The following SQSTM1 variants were observed in gnomAD, a reference collection of about 807,000 sequenced individuals.
The protein encoded by SQSTM1 is sequestosome 1, also known as sequestosome-1.
Under a neutral mutation model 45.1 loss-of-function variants are expected in SQSTM1, and 36 were observed. That is an observed-to-expected ratio of 0.80 (90% CI 0.61 to 1.05). The LOEUF (loss-of-function observed/expected upper bound fraction) is 1.05, where lower values mean the gene tolerates loss of function less well. SQSTM1 is among the 50% of genes least tolerant of loss of function. SQSTM1 has a pLI of 0.00. For missense variants in SQSTM1, 617 were observed against 607.1 expected (o/e 1.02, Z -0.17); for synonymous variants, 290 against 244.3 (o/e 1.19, Z -1.74).
At position 179,836,551 on chromosome 5, in the gene SQSTM1, T is replaced by G. The variant is rs1561609813; in HGVS notation, c.1281T>G (p.Ala427=). ...LQTKNYDIGA[A]LDTIQYSKHP... ...CCAAGAACTATGACATCGGAGCGGC[T>G]CTGGACACCATCCAGTATTCAAAGC... The change falls in exon 8 of 8, where the codon GCT becomes GCG. Residue 427 remains alanine (A), a synonymous_variant. Transcript: ENST00000389805. 1 of 1,614,152 alleles carries G rather than the reference T, an allele frequency of 6.2e-7. No individual in the cohort carries two copies.
intron 5 of SQSTM1, among the ~76,000 whole-genome samples, chr5:179,831,645 C>T (rs934708748): frequency 6.6e-6 from 1 of 152,038 alleles, no homozygotes; most frequent in East Asian, 1.9e-4. Flanking sequence ...GCCTGGGCAA[C>T]AGAGCGAGAC....
At chr5:179,812,022 T>G (rs529461990) in intron 2 of SQSTM1, 3 of 152,164 alleles carry the variant, frequency 2.0e-5, no homozygotes, top group South Asian at 4.1e-4. Flanking sequence ...GCCAGGATGG[T>G]CTCGATCTCC....
chr5:179,833,843 CCT>C (rs1331266371), intron 7 of SQSTM1, 61 bp downstream of exon 7: 5 of 1,562,544 alleles, frequency 3.2e-6, no homozygotes, highest in Non-Finnish European at 4.4e-6. Flanking sequence ...ATCCTGCCCT[CCT>C]CTGATTTCAG....
rs1758352876 is a variant in SQSTM1 at position 179,833,609 on chromosome 5, G to C, written c.992G>C (p.Cys331Ser). Reference sequence around the variant, plus strand: ...CAGGAACAGATGGAGTCGGATAACTGTTCAGGAGGAGATGATGACTGGACC... The same window carrying C: ...CAGGAACAGATGGAGTCGGATAACTCTTCAGGAGGAGATGATGACTGGACC... ...RPEEQMESDNCSGGDDDWTHL... is the reference protein window; with the variant it reads ...RPEEQMESDNSSGGDDDWTHL... The change falls in exon 7 of 8, where the codon TGT becomes TCT. Residue 331 changes from cysteine (C) to serine (S), a missense_variant. Physicochemically the swap from Cys to Ser is moderately radical, Grantham distance 112 (BLOSUM62 -1). Coordinates refer to ENST00000389805, the MANE Select transcript of SQSTM1 (RefSeq NM_003900.5). 4 of 1,614,056 alleles carry C rather than the reference G, an allele frequency of 2.5e-6. No individual in the cohort carries two copies. The highest frequency in any genetic ancestry group is 3.4e-6 in the Non-Finnish European group (4 of 1,180,042).
At chr5:179,817,818 T>C (rs1209866319), upstream of SQSTM1, among the ~76,000 whole-genome samples, 1 of 152,070 alleles carries the variant, frequency 6.6e-6, no homozygotes, top group Non-Finnish European at 1.5e-5. Flanking sequence ...AAGACCATCC[T>C]GGCCAACATA....
chr5:179,837,242 G>T lies in SQSTM1; in HGVS notation c.*649G>T. 1 of 1,601,026 alleles carries T rather than the reference G, an allele frequency of 6.2e-7. No individual in the cohort carries two copies. Among genetic ancestry groups the T allele is most frequent in the South Asian group, 1.1e-5 (1 of 90,804 alleles). On this transcript the variant is annotated 3_prime_UTR_variant, in exon 8 of 8. Transcript: ENST00000389805. Reference sequence around the variant, plus strand: ...TAAACAATCTAATTAAATGGCATCAGCACTTTAACCAATGACGTTTGCATA... The same window carrying T: ...TAAACAATCTAATTAAATGGCATCATCACTTTAACCAATGACGTTTGCATA...
At position 179,822,662 on chromosome 5, in the gene SQSTM1, G is replaced by A. The variant is rs542516972; in HGVS notation, c.206-296G>A. 23 of 416,334 alleles carry A rather than the reference G, an allele frequency of 5.5e-5. No individual in the cohort carries two copies. In the East Asian group the frequency reaches 1.2e-3, roughly 22 times the overall value. The allele number at this position is 416,334 out of a possible 1,614,324, so 25.8% of individuals were successfully genotyped here. Reference sequence around the variant, plus strand: ...GAATGAGGTGGCACGTTTCTGAAAAGGCAGCTGGCCCAAGGCTAAATAAGT... The same window carrying A: ...GAATGAGGTGGCACGTTTCTGAAAAAGCAGCTGGCCCAAGGCTAAATAAGT... On this transcript the variant is annotated intron_variant, in intron 1 of 7. Transcript: ENST00000389805.
At chr5:179,809,238 A>G in intron 1 of SQSTM1, among the ~76,000 whole-genome samples, 1 of 141,554 alleles carries the variant, frequency 7.1e-6, no homozygotes, top group Non-Finnish European at 1.5e-5. Context: ...GGCTCACTGC[A>G]ACCTCAGCCT....
chr5:179,824,230 G>A lies in SQSTM1; in HGVS notation c.580G>A (p.Gly194Arg), dbSNP rs373585056. The A allele has an allele frequency of 8.7e-6, 14 of 1,613,730 alleles. No individual in the cohort carries two copies. The highest frequency in any genetic ancestry group is 5.0e-5 in the Admixed American group (3 of 60,014). The change falls in exon 4 of 8, where the codon GGG becomes AGG. Residue 194 changes from glycine (G) to arginine (R), a missense_variant. Coordinates refer to ENST00000389805, the MANE Select transcript of SQSTM1 (RefSeq NM_003900.5). ...CCGGAAGGTGAAACACGGACACTTC[G>A]GGTGGCCAGGATGGGAAATGGGTCC... is the stretch of plus-strand genomic sequence containing the variant. ...WLRKVKHGHF[G>R]WPGWEMGPPG...
At chr5:179,835,493 G>A (rs11953105) in intron 7 of SQSTM1, 2,556 of 157,938 alleles carry the variant, frequency 0.016, 89 homozygotes, top group African/African-American at 0.059. Context: ...AGACCAGCCC[G>A]GCCAACACAG....
intron 5 of SQSTM1, among the ~76,000 whole-genome samples, chr5:179,832,792 CCT>C (rs1758287171): frequency 6.6e-6 from 1 of 152,064 alleles, no homozygotes; most frequent in Admixed American, 6.6e-5. Context: ...TGGGGAGAAG[CCT>C]CTGACTCATG....
In SQSTM1 at chr5:179,833,239, G is replaced by A. The variant is rs752889531; in HGVS notation, c.962G>A (p.Arg321His). 100 of 1,579,672 alleles carry A rather than the reference G, an allele frequency of 6.3e-5. No homozygotes were observed. The highest frequency in any genetic ancestry group is 9.1e-5 in the Admixed American group (5 of 54,832). Residue 321 changes from arginine to histidine, a missense_variant, in exon 6 of 8, where the codon CGC (arginine) becomes CAC (histidine). Coordinates refer to ENST00000389805, the MANE Select transcript of SQSTM1 (RefSeq NM_003900.5). ...AAGATCGCCTTGGAGTCCGAGGGGCGCCCTGAGGCAAGCCTGTGCCCCTCC... is the reference window on the plus strand; with the variant it reads ...AAGATCGCCTTGGAGTCCGAGGGGCACCCTGAGGCAAGCCTGTGCCCCTCC... ...MRKIALESEG[R>H]PEEQMESDNC...
At chr5:179,816,519 C>T (rs1422644632), upstream of SQSTM1, among the ~76,000 whole-genome samples, 3 of 152,230 alleles carry the variant, frequency 2.0e-5, no homozygotes, top group Non-Finnish European at 1.5e-5. Context: ...AAGGGCAGCC[C>T]CTCCACGGGA....
chr5:179,825,189 C>T lies in SQSTM1; in HGVS notation c.717C>T (p.Asn239=), dbSNP rs747314158. ...SEDPSVNFLK[N]VGESVAAALS... Reference sequence around the variant, plus strand: ...ATCCGAGTGTGAATTTCCTGAAGAACGTTGGGGAGAGTGTGGCAGCTGCCC... The same window carrying T: ...ATCCGAGTGTGAATTTCCTGAAGAATGTTGGGGAGAGTGTGGCAGCTGCCC... Residue 239 remains asparagine (N), a synonymous_variant, in exon 5 of 8, where the codon AAC becomes AAT. Transcript: ENST00000389805. 10 of 1,613,924 alleles carry T rather than the reference C, an allele frequency of 6.2e-6. No individual in the cohort carries two copies. The highest frequency in any genetic ancestry group is 5.0e-5 in the Admixed American group (3 of 60,004).
Position 179,837,467 on chromosome 5 carries a change from A to G in SQSTM1, c.*874A>G, listed in dbSNP as rs751816628. On this transcript the variant is annotated 3_prime_UTR_variant, in exon 8 of 8. Coordinates refer to ENST00000389805, the MANE Select transcript of SQSTM1 (RefSeq NM_003900.5). ...TGTGGGTCGAGGATTCTGTGCCTCC[A>G]GGACCAGGGGCCCACCCTCTGCCCA... The G allele has an allele frequency of 8.7e-6, 14 of 1,613,680 alleles. No individual in the cohort carries two copies. In the South Asian group the frequency reaches 9.9e-5, roughly 11 times the overall value.
chr5:179,828,094 G>A (rs543341863), intron 5 of SQSTM1, among the ~76,000 whole-genome samples: 5 of 152,264 alleles, frequency 3.3e-5, no homozygotes, highest in East Asian at 1.9e-4. Context: ...ACGGAGCATC[G>A]TCTAGTCTTT....
At chr5:179,824,433 C>G (rs1027936309) in intron 4 of SQSTM1, 110 bp downstream of exon 4, 3 of 1,494,382 alleles carry the variant, frequency 2.0e-6, no homozygotes, top group Non-Finnish European at 2.8e-6. Context: ...GGATACCCCC[C>G]ACCTTCCTGG....
rs1758589234 is a variant in SQSTM1 at position 179,836,894 on chromosome 5, GCA to G, written c.*304_*305del. On this transcript the variant is annotated 3_prime_UTR_variant, in exon 8 of 8. Coordinates refer to ENST00000389805, the MANE Select transcript of SQSTM1 (RefSeq NM_003900.5). Reference sequence around the variant, plus strand: ...CTGCAGGGGCTACGTTAGCAGCCCAGCACATAGCTTGCCTAATGGCTTTCACT... The same window carrying G: ...CTGCAGGGGCTACGTTAGCAGCCCAGCATAGCTTGCCTAATGGCTTTCACT... The G allele has an allele frequency of 1.6e-6, 1 of 610,114 alleles. No homozygotes were observed. Among genetic ancestry groups the G allele is most frequent in the South Asian group, 2.0e-5 (1 of 50,218 alleles). 37.8% of individuals were successfully genotyped at this position (610,114 alleles called of 1,614,324 possible).
chr5:179,819,953 A>G (rs1757714096), upstream of SQSTM1, among the ~76,000 whole-genome samples: 1 of 152,170 alleles, frequency 6.6e-6, no homozygotes, highest in South Asian at 2.1e-4. Flanking sequence ...CTGAAATGGC[A>G]TGAGTTGGAC....
Sources: gnomAD v4.1 joint callset for allele counts (sites outside exome capture counted in the v4.1 genomes callset) on GRCh38, gnomAD v4.1.1 for gene constraint, MANE v1.5 for transcripts, NCBI Gene and HGNC (gene_info 2026-07-23, HGNC 2026-07-21) for gene names.